The following RAVER2 variants were observed in gnomAD, a reference collection of about 807,000 sequenced individuals.
RAVER2 encodes ribonucleoprotein, PTB binding 2.
Under a neutral mutation model 78.1 loss-of-function variants are expected in RAVER2, and 46 were observed. That is an observed-to-expected ratio of 0.59 (90% CI 0.46 to 0.75). The LOEUF (loss-of-function observed/expected upper bound fraction) is 0.75, where lower values mean the gene tolerates loss of function less well. Ranked by LOEUF, RAVER2 falls within the 30% of genes least tolerant of loss-of-function variation. The pLI, the probability that RAVER2 is intolerant of heterozygous loss-of-function variation, is 0.00. For missense variants in RAVER2, 793 were observed against 837.5 expected (o/e 0.95, Z 0.66); for synonymous variants, 311 against 313.3 (o/e 0.99, Z 0.08).
intron 1 of RAVER2, among the ~76,000 whole-genome samples, chr1:64,749,447 G>A (rs1651635047): frequency 6.6e-6 from 1 of 152,268 alleles, no homozygotes; most frequent in Admixed American, 6.5e-5. Context: ...CTGACCTCAG[G>A]TGATCTGCCC....
exon 4 of RAVER2, chr1:64,781,405 T>A: frequency 6.2e-7 from 1 of 1,611,094 alleles, no homozygotes; most frequent in African/African-American, 1.3e-5. Flanking sequence ...GGTAGTTACG[T>A]TGGTGGCTTT....
At chr1:64,807,172 A>G in intron 8 of RAVER2, 34 bp from the exon 9 acceptor site, 1 of 1,584,426 alleles carries the variant, frequency 6.3e-7, no homozygotes, top group Middle Eastern at 1.9e-4. Flanking sequence ...ATATTTTCTA[A>G]CTAAAAGCTT....
At chr1:64,812,949 A>G (rs893989291) in intron 10 of RAVER2, 100 bp downstream of exon 10, 22 of 727,556 alleles carry the variant, frequency 3.0e-5, no homozygotes, top group Non-Finnish European at 4.4e-5. Context: ...AATAATACCT[A>G]TTGACCAAAT....
At chr1:64,813,590 T>A (rs1653679219) in intron 10 of RAVER2, among the ~76,000 whole-genome samples, 1 of 152,166 alleles carries the variant, frequency 6.6e-6, no homozygotes, top group African/African-American at 2.4e-5. Context: ...GGAAGAAGAA[T>A]AGGATTAAAT....
chr1:64,776,415 C>T (rs1031257704), intron 2 of RAVER2, among the ~76,000 whole-genome samples: 1 of 152,192 alleles, frequency 6.6e-6, no homozygotes, highest in Non-Finnish European at 1.5e-5. Flanking sequence ...ATGTTAGCAT[C>T]ACACTTAGTG....
At chr1:64,769,877 A>G (rs1652267671) in intron 2 of RAVER2, among the ~76,000 whole-genome samples, 1 of 152,046 alleles carries the variant, frequency 6.6e-6, no homozygotes, top group African/African-American at 2.4e-5. Context: ...GTGCCTATAT[A>G]TAATTAATGG....
chr1:64,788,001 G>A (rs1483418858), intron 4 of RAVER2, among the ~76,000 whole-genome samples: 1 of 152,056 alleles, frequency 6.6e-6, no homozygotes, highest in African/African-American at 2.4e-5. Flanking sequence ...TTTTCTCATA[G>A]CTGAAAGTTT....
intron 11 of RAVER2, among the ~76,000 whole-genome samples, chr1:64,818,038 G>A (rs866317008): frequency 1.5e-4 from 23 of 152,326 alleles, no homozygotes; most frequent in Admixed American, 2.6e-4. Flanking sequence ...CCATTGAGAA[G>A]TTTCTTCAGG....
chr1:64,824,929 T>C (rs1016404802), intron 11 of RAVER2, among the ~76,000 whole-genome samples: 3 of 27,160 alleles, frequency 1.1e-4, no homozygotes, highest in African/African-American at 4.1e-4. Context: ...AGACCCTGTC[T>C]CCCAAAAAAA....
At position 64,779,064 on chromosome 1, in the gene RAVER2, T is replaced by C. The variant is rs927636355; in HGVS notation, c.786+972T>C. Among the ~76,000 whole-genome samples, 55 of 150,814 alleles carry C rather than the reference T, an allele frequency of 3.6e-4. 1 individual carries two copies. The highest frequency in any genetic ancestry group is 4.1e-4 in the Non-Finnish European group (28 of 67,728). ...TGTATAACATGTTTTGAAGTATATATACATTGTAGAATGGCTAAATCAAGC... is the reference window on the plus strand; with the variant it reads ...TGTATAACATGTTTTGAAGTATATACACATTGTAGAATGGCTAAATCAAGC... On this transcript the variant is annotated intron_variant, in intron 3 of 11. Transcript: ENST00000294428.
At chr1:64,756,426 G>T (rs1157371563) in intron 1 of RAVER2, among the ~76,000 whole-genome samples, 1 of 152,114 alleles carries the variant, frequency 6.6e-6, no homozygotes, top group Middle Eastern at 3.2e-3. Flanking sequence ...AATGGGTTAT[G>T]CTGCATTCCT....
At chr1:64,756,594 CTTACCCAGTTTCCCCTGATG>C (rs1384867943) in intron 1 of RAVER2, among the ~76,000 whole-genome samples, 3 of 152,128 alleles carry the variant, frequency 2.0e-5, no homozygotes, top group Admixed American at 6.6e-5. Flanking sequence ...CCATGTATCC[CTTACCCAGTTTCCCCTGATG>C]TTACATCTTA....
intron 1 of RAVER2, among the ~76,000 whole-genome samples, chr1:64,751,099 A>T (rs190133843): frequency 1.3e-5 from 2 of 152,392 alleles, no homozygotes; most frequent in African/African-American, 4.8e-5. Context: ...GTTAACAGCC[A>T]TTCCAAAGAA....
intron 4 of RAVER2, among the ~76,000 whole-genome samples, chr1:64,788,340 C>T (rs1490040534): frequency 2.0e-5 from 3 of 151,134 alleles, no homozygotes; most frequent in South Asian, 2.1e-4. Context: ...GGTGTGGTGG[C>T]GGGCACCTGT....
intron 5 of RAVER2, among the ~76,000 whole-genome samples, chr1:64,797,911 A>G (rs953664324): frequency 2.0e-5 from 3 of 149,420 alleles, no homozygotes; most frequent in Non-Finnish European, 3.0e-5. Context: ...AAAGTAATGT[A>G]GTTTTTTTTT....
chr1:64,760,529 G>A (rs982693581), intron 1 of RAVER2, among the ~76,000 whole-genome samples: 2 of 152,100 alleles, frequency 1.3e-5, no homozygotes, highest in African/African-American at 4.8e-5. Context: ...AAGGAAAAGC[G>A]TGGCCAAAAT....
intron 11 of RAVER2, among the ~76,000 whole-genome samples, chr1:64,830,370 G>T (rs1047537785): frequency 6.6e-6 from 1 of 152,140 alleles, no homozygotes; most frequent in Non-Finnish European, 1.5e-5. Context: ...TGTTTTCTTT[G>T]ATGTCATTTG....
intron 3 of RAVER2, among the ~76,000 whole-genome samples, chr1:64,780,397 A>G (rs1010182130): frequency 4.6e-5 from 7 of 152,206 alleles, no homozygotes; most frequent in Admixed American, 6.5e-5. Flanking sequence ...CAGTTTTTAA[A>G]GGAAGAAGTA....
At chr1:64,756,122 C>T (rs72675412) in intron 1 of RAVER2, among the ~76,000 whole-genome samples, 1,966 of 152,142 alleles carry the variant, frequency 0.013, 24 homozygotes, top group Non-Finnish European at 0.021. Context: ...AATTTTGGTT[C>T]GTATGGTGTT....
Sources: gnomAD v4.1 joint callset for allele counts (sites outside exome capture counted in the v4.1 genomes callset) on GRCh38, gnomAD v4.1.1 for gene constraint, MANE v1.5 for transcripts, NCBI Gene and HGNC (gene_info 2026-07-23, HGNC 2026-07-21) for gene names.